Variants in CFAP43 observed in about 807,000 individuals in gnomAD.
The protein encoded by CFAP43 is cilia and flagella associated protein 43.
A neutral mutation model predicts 218.9 loss-of-function variants in CFAP43; 155 were observed. The ratio of observed to expected loss-of-function variants is 0.71; its 90% confidence interval spans 0.62 to 0.81. The LOEUF (loss-of-function observed/expected upper bound fraction) is 0.81. CFAP43 is among the 30% of genes least tolerant of loss of function. The pLI, the probability that CFAP43 is intolerant of heterozygous loss-of-function variation, is 0.00. For missense variants in CFAP43, 1,778 were observed against 1,954.3 expected (o/e 0.91, Z 1.70); for synonymous variants, 645 against 681.3 (o/e 0.95, Z 0.83).
chr10:104,192,169 T>A, intron 12 of CFAP43, 30 bp downstream of exon 12: 1 of 1,476,702 alleles, frequency 6.8e-7, no homozygotes, highest in Non-Finnish European at 9.3e-7. Flanking sequence ...ATAATCAATA[T>A]TTTAAATTAA....
Position 104,185,158 on chromosome 10 carries a change from AG to A in CFAP43, c.2011-13del, listed in dbSNP as rs1564770510. The A allele has an allele frequency of 1.2e-6, 2 of 1,613,436 alleles. No individual in the cohort carries two copies. Among genetic ancestry groups the A allele is most frequent in the Admixed American group, 3.3e-5 (2 of 59,966 alleles). Reference sequence around the variant, plus strand: ...CAAGCAAATGTTTCCTCAATAGTTAAGAAATAAACCAGAAAAATTACAAATG... The same window carrying A: ...CAAGCAAATGTTTCCTCAATAGTTAAAAATAAACCAGAAAAATTACAAATG... On this transcript the variant is annotated splice_polypyrimidine_tract_variant and intron_variant, in intron 15 of 37. Coordinates refer to ENST00000357060, the MANE Select transcript of CFAP43 (RefSeq NM_025145.7).
intron 18 of CFAP43, 117 bp downstream of exon 18, chr10:104,179,723 C>A: frequency 1.3e-6 from 1 of 753,578 alleles, no homozygotes; most frequent in South Asian, 1.8e-5. Context: ...TTGTAATGCT[C>A]TGCCAAGTGG....
At chr10:104,195,219 C>A (rs544243869) in intron 10 of CFAP43, among the ~76,000 whole-genome samples, 1 of 152,130 alleles carries the variant, frequency 6.6e-6, no homozygotes, top group Non-Finnish European at 1.5e-5. Context: ...GGCAGAGAGA[C>A]CTGGCATCAG....
chr10:104,167,667 A>C lies in CFAP43; in HGVS notation c.2762T>G (p.Leu921Trp), dbSNP rs375521532. 9 of 1,612,410 alleles carry C rather than the reference A, an allele frequency of 5.6e-6. No homozygotes were observed. The Admixed American group carries it at 1.2e-4, about 21-fold the overall frequency. ...CTTCTTTTGCTGTAAAACTCTTTCC[A>C]ATTCTTTCAGCTCTTCAACCGTGCG... ...KARTVEELKELERVLQQKKIE... is the reference protein window; with the variant it reads ...KARTVEELKEWERVLQQKKIE... Residue 921 changes from leucine to tryptophan, a missense_variant, in exon 22 of 38, where the codon TTG becomes TGG. Transcript: ENST00000357060.
chr10:104,175,499 C>A (rs970217017), intron 19 of CFAP43, among the ~76,000 whole-genome samples: 5 of 152,140 alleles, frequency 3.3e-5, no homozygotes, highest in African/African-American at 4.8e-5. Flanking sequence ...TATGGCCCAA[C>A]AAACCCATGG....
At chr10:104,199,292 T>G (rs1303140249) in intron 8 of CFAP43, among the ~76,000 whole-genome samples, 1 of 152,236 alleles carries the variant, frequency 6.6e-6, no homozygotes, top group Non-Finnish European at 1.5e-5. Context: ...AGAAGTCTGC[T>G]TTCAGCTAAT....
At chr10:104,213,789 C>G (rs564044950) in intron 4 of CFAP43, among the ~76,000 whole-genome samples, 1 of 152,334 alleles carries the variant, frequency 6.6e-6, no homozygotes, top group South Asian at 2.1e-4. Flanking sequence ...CCTGCCTCGG[C>G]CTCCCAGATT....
rs375632485 is a variant in CFAP43, at chr10:104,161,951, G to T, written c.3414+10C>A. Reference sequence around the variant, plus strand: ...ATTCCACCTTCTATAAGGATGAACAGAAATATCACCATTCTCAAAATATCT... The same window carrying T: ...ATTCCACCTTCTATAAGGATGAACATAAATATCACCATTCTCAAAATATCT... On this transcript the variant is annotated intron_variant, in intron 26 of 37. Transcript: ENST00000357060. The T allele has an allele frequency of 1.7e-5, 27 of 1,611,420 alleles. No individual in the cohort carries two copies. The highest frequency in any genetic ancestry group is 2.2e-5 in the Non-Finnish European group (26 of 1,178,850).
At chr10:104,156,259 G>T (rs1422031227) in intron 27 of CFAP43, among the ~76,000 whole-genome samples, 2 of 151,928 alleles carry the variant, frequency 1.3e-5, no homozygotes, top group African/African-American at 4.8e-5. Flanking sequence ...TATCAAACTG[G>T]TAATGTTATC....
chr10:104,168,894 A>T (rs1690285096), intron 20 of CFAP43, 46 bp from the exon 21 acceptor site: 2 of 1,444,350 alleles, frequency 1.4e-6, no homozygotes, highest in Non-Finnish European at 1.9e-6. Context: ...GAAAGTGTGG[A>T]CTCAGAAATA....
intron 8 of CFAP43, 55 bp downstream of exon 8, chr10:104,203,614 AATG>A (rs2090595774): frequency 4.6e-6 from 7 of 1,505,788 alleles, no homozygotes; most frequent in Non-Finnish European, 6.3e-6. Context: ...CCTGTCATGT[AATG>A]ATGATAATAA....
rs192853968 is a variant in CFAP43 at position 104,140,892 on chromosome 10, C to G, written c.4381G>C (p.Ala1461Pro). ...ATTATGTTCTTGTTGATGAGAATTG[C>G]ATCAGAATACTCCAGTACTAGCTGG... ...NFQLVLEYSDAILINKNIIED... is the reference protein window; with the variant it reads ...NFQLVLEYSDPILINKNIIED... Residue 1461 changes from alanine (A) to proline (P), a missense_variant, in exon 34 of 38, where the codon GCA (alanine) becomes CCA (proline). Around this residue, in one of 3 missense-constraint regions of CFAP43, gnomAD observed 14 missense variants for 38.5 expected, o/e 0.36. Coordinates refer to ENST00000357060, the MANE Select transcript of CFAP43 (RefSeq NM_025145.7). The G allele has an allele frequency of 3.1e-6, 5 of 1,612,560 alleles. No homozygotes were observed. The African/African-American group carries it at 6.7e-5, about 22-fold the overall frequency.
chr10:104,207,640 A>G, intron 6 of CFAP43, 25 bp downstream of exon 6: 1 of 1,601,310 alleles, frequency 6.2e-7, no homozygotes, highest in Non-Finnish European at 8.5e-7. Flanking sequence ...GCTATACAGG[A>G]ATATGAAGTA....
At chr10:104,169,393 C>G (rs2089313983) in intron 20 of CFAP43, among the ~76,000 whole-genome samples, 1 of 152,072 alleles carries the variant, frequency 6.6e-6, no homozygotes, top group Admixed American at 6.5e-5. Flanking sequence ...TATTTACATC[C>G]ACAATAAAAA....
intron 3 of CFAP43, chr10:104,218,892 G>A (rs1321173004): frequency 6.0e-6 from 3 of 496,066 alleles, no homozygotes; most frequent in Admixed American, 2.2e-5. Context: ...CAGCATGACA[G>A]CGGGAGACTG....
intron 12 of CFAP43, among the ~76,000 whole-genome samples, chr10:104,191,794 G>GC (rs1462368127): frequency 1.3e-5 from 2 of 148,438 alleles, no homozygotes; most frequent in Admixed American, 6.7e-5. Context: ...GTGTGTGGGG[G>GC]GGGGGAAACA....
intron 20 of CFAP43, among the ~76,000 whole-genome samples, chr10:104,171,156 T>A (rs1179934005): frequency 6.6e-6 from 1 of 152,256 alleles, no homozygotes; most frequent in Non-Finnish European, 1.5e-5. Context: ...TAGAGATTTG[T>A]TTACGGCCTG....
intron 2 of CFAP43, among the ~76,000 whole-genome samples, chr10:104,227,810 C>T (rs2091341877): frequency 6.8e-6 from 1 of 146,034 alleles, no homozygotes; most frequent in African/African-American, 2.5e-5. Context: ...CCTGGAATCA[C>T]TCCTCTATTC....
chr10:104,185,040 C>T lies in CFAP43; in HGVS notation c.2117G>A (p.Gly706Asp), dbSNP rs2089986478. The T allele has an allele frequency of 4.3e-6, 7 of 1,614,084 alleles. No individual in the cohort carries two copies. Among genetic ancestry groups the T allele is most frequent in the Non-Finnish European group, 5.1e-6 (6 of 1,179,996 alleles). Residue 706 changes from glycine to aspartate, a missense_variant, in exon 16 of 38, where the codon GGC becomes GAC. By Grantham distance (94) the Gly-to-Asp change is moderately conservative (BLOSUM62 -1). This residue lies in a region of CFAP43 where 1,553 missense variants were observed against 1,685.2 expected (regional missense o/e 0.92). Coordinates refer to ENST00000357060, the MANE Select transcript of CFAP43 (RefSeq NM_025145.7). ...QNILVNGRDDGTLVYLKWKRF... is the reference protein window; with the variant it reads ...QNILVNGRDDDTLVYLKWKRF... ...CTTCCACTTTAGGTAGACAAGGGTG[C>T]CATCATCTCTCCCATTCACCAGAAT...
Sources: gnomAD v4.1 joint callset for allele counts (sites outside exome capture counted in the v4.1 genomes callset) on GRCh38, gnomAD v4.1.1 for gene constraint, gnomAD v4.1.1 regional missense constraint, MANE v1.5 for transcripts, NCBI Gene and HGNC (gene_info 2026-07-23, HGNC 2026-07-21) for gene names.